The following STK33 variants were observed in gnomAD, a reference collection of about 807,000 sequenced individuals.
The protein encoded by STK33 is serine/threonine-protein kinase 33.
In STK33, 52 loss-of-function variants were observed where a neutral mutation model predicts 58.0. That is an observed-to-expected ratio of 0.90 (90% CI 0.72 to 1.13). The LOEUF is 1.13. Ranked by LOEUF, STK33 falls within the 50% of genes most tolerant of loss-of-function variation. The pLI is 0.00. For synonymous variants in STK33, 215 were observed against 200.1 expected (o/e 1.07, Z -0.63); for missense variants, 630 against 604.2 (o/e 1.04, Z -0.45).
chr11:8,527,258 G>A (rs1954125161), intron 1 of STK33, among the ~76,000 whole-genome samples: 2 of 152,096 alleles, frequency 1.3e-5, no homozygotes, highest in African/African-American at 2.4e-5. Context: ...TTACAGGCAT[G>A]AGCAATTGTG....
intron 15 of STK33, among the ~76,000 whole-genome samples, chr11:8,410,212 C>T (rs947939657): frequency 1.3e-5 from 2 of 152,132 alleles, no homozygotes; most frequent in African/African-American, 4.8e-5. Context: ...GAAACATTAT[C>T]AACATATCAA....
At position 8,398,605 on chromosome 11, in the gene STK33, G is replaced by A. The variant is rs1329749433; in HGVS notation, c.1345-5895C>T. Among the ~76,000 whole-genome samples the A allele has an allele frequency of 1.4e-4, 22 of 152,126 alleles. No homozygotes were observed. The East Asian group carries it at 3.3e-3, about 23-fold the overall frequency. ...CATAATGACAGGATCAAATTCAGAC[G>A]TAACAATATTAACCTTAAAGGTAAA... On this transcript the variant is annotated intron_variant, in intron 15 of 15. Coordinates refer to ENST00000687296, the MANE Select transcript of STK33 (RefSeq NM_001352389.2).
chr11:8,564,617 G>A (rs1051432009), intron 1 of STK33, among the ~76,000 whole-genome samples: 4 of 152,072 alleles, frequency 2.6e-5, no homozygotes, highest in African/African-American at 9.7e-5. Flanking sequence ...AAGGAACTTG[G>A]GAAATACTTT....
At chr11:8,498,237 C>A (rs1435601910) in intron 1 of STK33, among the ~76,000 whole-genome samples, 2 of 152,052 alleles carry the variant, frequency 1.3e-5, no homozygotes, top group African/African-American at 4.8e-5. Flanking sequence ...TAGTGGGGAA[C>A]TTCCTCAAAC....
Position 8,520,144 on chromosome 11 carries a change from C to T in STK33, c.-465-39530G>A, listed in dbSNP as rs554165932. On this transcript the variant is annotated intron_variant, in intron 1 of 15. Coordinates refer to ENST00000687296, the MANE Select transcript of STK33 (RefSeq NM_001352389.2). ...GCAGCACATCAAAAAGCTTATCCAC[C>T]ATGATCAAGTCAGCTTCATCCCTGG... 5.3e-5 allele frequency among the ~76,000 whole-genome samples: 8 copies of T among 152,280 alleles called. No homozygotes were observed. In the South Asian group the frequency reaches 1.7e-3, roughly 32 times the overall value.
chr11:8,354,070 T>C, the STK33 span, among the ~76,000 whole-genome samples: 1 of 152,302 alleles, frequency 6.6e-6, no homozygotes, highest in Admixed American at 6.5e-5. Context: ...CCTGCTTGCT[T>C]TGCAGAGCCA....
chr11:8,536,352 T>C (rs1299935097), intron 1 of STK33, among the ~76,000 whole-genome samples: 1 of 152,048 alleles, frequency 6.6e-6, no homozygotes, highest in East Asian at 1.9e-4. Context: ...ATTTCCAAAG[T>C]GAAAGAGCCC....
chr11:8,521,642 A>G (rs1048433366), intron 1 of STK33, among the ~76,000 whole-genome samples: 25 of 152,204 alleles, frequency 1.6e-4, no homozygotes, highest in Non-Finnish European at 3.4e-4. Context: ...TAATTAAACT[A>G]AAGAGCTTCT....
chr11:8,469,965 C>T (rs1948616799), intron 6 of STK33, among the ~76,000 whole-genome samples: 1 of 152,192 alleles, frequency 6.6e-6, no homozygotes, highest in African/African-American at 2.4e-5. Flanking sequence ...ATTTAATGAG[C>T]ACAGGCAGAG....
intron 2 of STK33, among the ~76,000 whole-genome samples, chr11:8,477,576 T>C (rs1026799311): frequency 6.6e-6 from 1 of 152,160 alleles, no homozygotes; most frequent in African/African-American, 2.4e-5. Flanking sequence ...CCTAAAAGCA[T>C]ACTTACCATA....
chr11:8,536,972 A>AAAATT (rs1565305538), intron 1 of STK33, among the ~76,000 whole-genome samples: 1 of 65,734 alleles, frequency 1.5e-5, no homozygotes, highest in Non-Finnish European at 2.5e-5. Flanking sequence ...AAAAAAAAAG[A>AAAATT]TTTTTTTTTT....
At chr11:8,461,543 T>C (rs1947524471) in intron 8 of STK33, among the ~76,000 whole-genome samples, 1 of 152,186 alleles carries the variant, frequency 6.6e-6, no homozygotes, top group Non-Finnish European at 1.5e-5. Flanking sequence ...CATTTGGTTG[T>C]GTATGAAGTT....
chr11:8,542,951 T>G (rs1306072962), intron 1 of STK33, among the ~76,000 whole-genome samples: 1 of 152,092 alleles, frequency 6.6e-6, no homozygotes, highest in Non-Finnish European at 1.5e-5. Context: ...GCTCAAGCAA[T>G]CCACACGCCT....
Position 8,540,988 on chromosome 11 carries a change from CTCTCTCTA to C in STK33, c.-466+53087_-466+53094del, listed in dbSNP as rs1285410456. On this transcript the variant is annotated intron_variant, in intron 1 of 15. Transcript: ENST00000687296. ...ACTATCTCTCTCTCTCTCTCTCTCT[CTCTCTCTA>C]TATATATATATATATATCTCATAAC... 3.0e-4 allele frequency among the ~76,000 whole-genome samples: 41 copies of C among 138,234 alleles called. 1 individual carries two copies. Among genetic ancestry groups the C allele is most frequent in the African/African-American group, 1.0e-3 (38 of 36,450 alleles). The allele number at this position is 138,234 out of a possible 152,430, so 90.7% of individuals were successfully genotyped here. A position where few individuals can be genotyped will look rare whatever the true frequency, so the allele number is the denominator to read the frequency against.
chr11:8,464,619 G>C, intron 7 of STK33, 90 bp downstream of exon 7: 1 of 839,712 alleles, frequency 1.2e-6, no homozygotes. Flanking sequence ...AGGGTGAGAG[G>C]CAGCTTGTGT....
At chr11:8,427,336 C>T (rs146979356) in intron 14 of STK33, among the ~76,000 whole-genome samples, 231 of 152,190 alleles carry the variant, frequency 1.5e-3, no homozygotes, top group African/African-American at 5.4e-3. Flanking sequence ...AGTAGGATGT[C>T]AATGTGATTC....
rs933612947 is a variant in STK33 at position 8,470,107 on chromosome 11, A to G, written c.339+3056T>C. On this transcript the variant is annotated intron_variant, in intron 6 of 15. Coordinates refer to ENST00000687296, the MANE Select transcript of STK33 (RefSeq NM_001352389.2). ...TCTGTCCTTTGGGGCTGTGAAGCCA[A>G]GCATTGATTACTCCTCTCTAGCTAT... Among the ~76,000 whole-genome samples, 12 of 152,248 alleles carry G rather than the reference A, an allele frequency of 7.9e-5. 1 individual carries two copies. The highest frequency in any genetic ancestry group is 7.2e-4 in the Admixed American group (11 of 15,284).
chr11:8,586,216 C>CG (rs2031582562), intron 1 of STK33, among the ~76,000 whole-genome samples: 1 of 101,866 alleles, frequency 9.8e-6, no homozygotes, highest in Non-Finnish European at 1.9e-5. Flanking sequence ...GATCCTATCT[C>CG]GGAAAAAAAA....
intron 8 of STK33, among the ~76,000 whole-genome samples, chr11:8,458,421 T>TA (rs34675150): frequency 1.9e-3 from 277 of 143,906 alleles, no homozygotes; most frequent in Middle Eastern, 3.6e-3. Context: ...TATGGGCCAT[T>TA]AAAAAAAAAA....
Sources: gnomAD v4.1 joint callset for allele counts (sites outside exome capture counted in the v4.1 genomes callset) on GRCh38, gnomAD v4.1.1 for gene constraint, MANE v1.5 for transcripts, NCBI Gene and HGNC (gene_info 2026-07-23, HGNC 2026-07-21) for gene names.